DNAH3: variants seen among roughly 807,000 people sequenced by gnomAD.
DNAH3 encodes the protein dynein axonemal heavy chain 3.
DNAH3 carries 332 observed loss-of-function variants against 432.5 expected under a neutral mutation model. That is an observed-to-expected ratio of 0.77 (90% CI 0.70 to 0.84). DNAH3 has a LOEUF of 0.84. DNAH3 is among the 40% of genes least tolerant of loss of function. The pLI is 0.00. For synonymous variants in DNAH3, 1,956 were observed against 1,900.2 expected (o/e 1.03, Z -0.76); for missense variants, 4,861 against 5,114.0 (o/e 0.95, Z 1.51).
chr16:21,154,085 A>G (rs766620637), intron 1 of DNAH3, among the ~76,000 whole-genome samples: 6 of 152,232 alleles, frequency 3.9e-5, no homozygotes, highest in Admixed American at 1.3e-4. Flanking sequence ...CACCAAAAAC[A>G]GCAACTGTAA....
intron 24 of DNAH3, chr16:21,062,981 C>T (rs987326795): frequency 6.7e-6 from 2 of 298,094 alleles, no homozygotes; most frequent in Admixed American, 9.6e-5. Flanking sequence ...AGACATTGCA[C>T]CCAGCTTGGA....
At chr16:21,149,004 GT>G (rs1332908630) in intron 1 of DNAH3, among the ~76,000 whole-genome samples, 1 of 152,140 alleles carries the variant, frequency 6.6e-6, no homozygotes, top group African/African-American at 2.4e-5. Context: ...GCCGAGGCGG[GT>G]GGATCACTTG....
At chr16:21,099,895 C>A (rs1379325524) in intron 16 of DNAH3, among the ~76,000 whole-genome samples, 1 of 152,130 alleles carries the variant, frequency 6.6e-6, no homozygotes, top group Non-Finnish European at 1.5e-5. Context: ...TTAGTGTCTT[C>A]AGCAGTTAGA....
chr16:20,958,258 G>C (rs2084664640), intron 54 of DNAH3, among the ~76,000 whole-genome samples: 1 of 152,006 alleles, frequency 6.6e-6, no homozygotes, highest in Non-Finnish European at 1.5e-5. Context: ...ATTTTTAGTA[G>C]AGATGGGGTT....
chr16:20,982,283 G>A (rs1387518751), intron 49 of DNAH3, among the ~76,000 whole-genome samples: 1 of 152,014 alleles, frequency 6.6e-6, no homozygotes, highest in Non-Finnish European at 1.5e-5. Flanking sequence ...GCTTGGGGGA[G>A]GCTGAGGCAT....
At chr16:20,940,547 C>T (rs1330440469) in intron 59 of DNAH3, among the ~76,000 whole-genome samples, 1 of 151,616 alleles carries the variant, frequency 6.6e-6, no homozygotes, top group African/African-American at 2.4e-5. Flanking sequence ...CCCACTTCAC[C>T]CTCCCAAGTA....
At chr16:21,053,294 C>T (rs1333886484) in intron 28 of DNAH3, among the ~76,000 whole-genome samples, 1 of 152,158 alleles carries the variant, frequency 6.6e-6, no homozygotes, top group Admixed American at 6.5e-5. Flanking sequence ...CCCCTCCTGG[C>T]TCTTGGGTGA....
chr16:21,137,627 T>C (rs1334264401), intron 5 of DNAH3, among the ~76,000 whole-genome samples: 1 of 152,032 alleles, frequency 6.6e-6, no homozygotes, highest in Non-Finnish European at 1.5e-5. Flanking sequence ...TTCACCATGT[T>C]GGCCAGGCTG....
exon 28 of DNAH3, chr16:21,054,424 G>C (rs529788617): frequency 1.2e-6 from 2 of 1,613,318 alleles, no homozygotes; most frequent in South Asian, 2.2e-5. Flanking sequence ...GCTTACCGTG[G>C]ACATCGATGA....
At chr16:21,049,761 T>C in intron 30 of DNAH3, 79 bp from the exon 31 acceptor site, 4 of 1,405,930 alleles carry the variant, frequency 2.8e-6, no homozygotes, top group Non-Finnish European at 1.0e-6. Flanking sequence ...TCAACAGCAG[T>C]GGGCTCCTCT....
At position 20,970,599 on chromosome 16, in the gene DNAH3, AT is replaced by A. The variant is rs1295690270; in HGVS notation, c.8260-610del. 2.0e-5 allele frequency among the ~76,000 whole-genome samples: 3 copies of A among 152,340 alleles called. No homozygotes were observed. In the East Asian group the frequency reaches 5.8e-4, roughly 29 times the overall value. Reference sequence around the variant, plus strand: ...CATTTGTTTCTATGCTAAAAACATAATTTAAAATTGCCCCTGAGTCTTAGCA... The same window carrying A: ...CATTTGTTTCTATGCTAAAAACATAATTAAAATTGCCCCTGAGTCTTAGCA... On this transcript the variant is annotated intron_variant, in intron 51 of 61. Coordinates refer to ENST00000261383, the Ensembl canonical transcript of DNAH3.
intron 7 of DNAH3, among the ~76,000 whole-genome samples, chr16:21,133,169 T>C (rs2092592794): frequency 1.3e-5 from 2 of 151,546 alleles, no homozygotes; most frequent in South Asian, 4.2e-4. Flanking sequence ...CTGGACAACA[T>C]GGTGAAACTC....
At chr16:20,992,608 G>C (rs1211077510) in intron 44 of DNAH3, among the ~76,000 whole-genome samples, 1 of 152,124 alleles carries the variant, frequency 6.6e-6, no homozygotes, top group Non-Finnish European at 1.5e-5. Context: ...CCAAAGTGCT[G>C]GGATTACAGG....
chr16:21,007,557 T>G lies in DNAH3; in HGVS notation c.6023-4350A>C, dbSNP rs555014279. The stretch of plus-strand genomic sequence containing the variant: ...GATATTTTGCCCATTTTATATAGTG[T>G]TATTTGTCTTTTTATTATTAAATTA... On this transcript the variant is annotated intron_variant, in intron 41 of 61. Coordinates refer to ENST00000261383, the Ensembl canonical transcript of DNAH3. Among the ~76,000 whole-genome samples, 4 of 152,242 alleles carry G rather than the reference T, an allele frequency of 2.6e-5. No individual in the cohort carries two copies. In the South Asian group the frequency reaches 6.2e-4, roughly 24 times the overall value.
exon 9 of DNAH3, chr16:21,125,322 C>G (rs746260217): frequency 1.2e-6 from 2 of 1,612,894 alleles, no homozygotes; most frequent in Middle Eastern, 1.7e-4. Flanking sequence ...CAAAATGAAT[C>G]CAGTGCTCCT....
rs530117365 is a variant in DNAH3, at chr16:20,975,731, G to T, written c.8077-316C>A. 2.6e-5 allele frequency among the ~76,000 whole-genome samples: 4 copies of T among 152,250 alleles called. No individual in the cohort carries two copies. The East Asian group carries it at 7.7e-4, about 29-fold the overall frequency. On this transcript the variant is annotated intron_variant, in intron 50 of 61. Coordinates refer to ENST00000261383, the Ensembl canonical transcript of DNAH3. ...TTGTAGTGTTGGGGGTAATGGGAGA[G>T]AGACAGAGCAAAAGCAAGTTAAGAC...
At chr16:20,967,268 G>A (rs550713219) in intron 52 of DNAH3, among the ~76,000 whole-genome samples, 3 of 152,144 alleles carry the variant, frequency 2.0e-5, no homozygotes, top group South Asian at 2.1e-4. Flanking sequence ...CCATGGTTTG[G>A]GTGAATAACA....
At chr16:20,985,580 C>T in exon 48 of DNAH3, 1 of 1,614,124 alleles carries the variant, frequency 6.2e-7, no homozygotes, top group African/African-American at 1.3e-5. Flanking sequence ...TGCTCCATGA[C>T]CACAGTCAGC....
At chr16:21,094,184 C>T (rs2091614483) in intron 18 of DNAH3, among the ~76,000 whole-genome samples, 1 of 152,070 alleles carries the variant, frequency 6.6e-6, no homozygotes, top group Non-Finnish European at 1.5e-5. Flanking sequence ...ATAAAGACCT[C>T]ACAAAACTCA....
Sources: allele counts gnomAD v4.1 joint callset (sites outside exome capture counted in the v4.1 genomes callset), GRCh38; gene constraint gnomAD v4.1.1; transcripts MANE v1.5; gene names NCBI Gene and HGNC (gene_info 2026-07-23, HGNC 2026-07-21).